The following IKZF3 variants were observed in gnomAD, a reference collection of about 807,000 sequenced individuals.
IKZF3 encodes the protein zinc finger protein Aiolos.
Under a neutral mutation model 49.0 loss-of-function variants are expected in IKZF3, and 10 were observed. The observed-to-expected ratio is 0.20, with a 90% CI of 0.13 to 0.35. IKZF3 has a LOEUF of 0.35. IKZF3 is among the 10% of genes least tolerant of loss of function. IKZF3 has a pLI of 1.00. For synonymous variants in IKZF3, 209 were observed against 228.2 expected (o/e 0.92, Z 0.76); for missense variants, 498 against 664.8 (o/e 0.75, Z 2.76).
At chr17:39,851,781 C>A (rs774476453) in intron 1 of IKZF3, among the ~76,000 whole-genome samples, 2 of 152,110 alleles carry the variant, frequency 1.3e-5, no homozygotes, top group Non-Finnish European at 2.9e-5. Flanking sequence ...GATATGTGCA[C>A]TTTAATTATA....
At chr17:39,788,454 T>TTCACTAGAAATGAGACTGCTGA in intron 5 of IKZF3, 80 bp from the exon 6 acceptor site, 1 of 823,306 alleles carries the variant, frequency 1.2e-6, no homozygotes, top group Non-Finnish European at 2.1e-6. Context: ...GTGACAACTG[T>TTCACTAGAAATGAGACTGCTGA]TCACTAGAAA....
At position 39,766,191 on chromosome 17, in the gene IKZF3, G is replaced by A. The variant is rs951177670; in HGVS notation, c.1129C>T (p.Leu377Phe). 8 of 1,613,946 alleles carry A rather than the reference G, an allele frequency of 5.0e-6. No individual in the cohort carries two copies. The highest frequency in any genetic ancestry group is 6.8e-6 in the Non-Finnish European group (8 of 1,180,026). ...PEKSVPSERG[L>F]SPNNSGHDST... Reference sequence around the variant, plus strand: ...TCGTGGCCACTATTGTTGGGAGAGAGGCCTCTCTCAGAAGGCACGCTCTTC... The same window carrying A: ...TCGTGGCCACTATTGTTGGGAGAGAAGCCTCTCTCAGAAGGCACGCTCTTC... The change falls in exon 8 of 8, where the codon CTC (leucine) becomes TTC (phenylalanine). Residue 377 changes from leucine to phenylalanine, a missense_variant. This residue lies in a region of IKZF3 where 317 missense variants were observed against 397.3 expected (regional missense o/e 0.80). Coordinates refer to ENST00000346872, the MANE Select transcript of IKZF3 (RefSeq NM_012481.5).
intron 1 of IKZF3, among the ~76,000 whole-genome samples, chr17:39,839,918 C>G (rs2062416403): frequency 6.6e-6 from 1 of 152,178 alleles, no homozygotes; most frequent in African/African-American, 2.4e-5. Flanking sequence ...GCCTTGGCCT[C>G]CCAAAGTGCT....
chr17:39,853,486 G>A (rs995568978), intron 1 of IKZF3, among the ~76,000 whole-genome samples: 2 of 152,056 alleles, frequency 1.3e-5, no homozygotes, highest in Non-Finnish European at 2.9e-5. Flanking sequence ...GTGATGATAG[G>A]TTTTGCTGAT....
At chr17:39,783,616 G>A (rs556213107) in intron 6 of IKZF3, among the ~76,000 whole-genome samples, 67 of 152,308 alleles carry the variant, frequency 4.4e-4, no homozygotes, top group Admixed American at 1.9e-3. Flanking sequence ...CACCGCGCCC[G>A]GCCAGTATTG....
intron 1 of IKZF3, among the ~76,000 whole-genome samples, chr17:39,843,212 T>C (rs1182003776): frequency 6.6e-6 from 1 of 152,154 alleles, no homozygotes; most frequent in Non-Finnish European, 1.5e-5. Context: ...GATTGAATGG[T>C]AGTAATGTTG....
intron 7 of IKZF3, among the ~76,000 whole-genome samples, chr17:39,771,497 T>G (rs190353298): frequency 1.3e-5 from 2 of 152,182 alleles, no homozygotes; most frequent in African/African-American, 4.8e-5. Context: ...GAACAAAACA[T>G]AGAGTAGCCA....
intron 3 of IKZF3, among the ~76,000 whole-genome samples, chr17:39,823,531 A>C (rs947343836): frequency 6.6e-6 from 1 of 152,222 alleles, no homozygotes; most frequent in Non-Finnish European, 1.5e-5. Context: ...GCTCCAAGGC[A>C]TATCAGAGAC....
At chr17:39,861,815 T>C (rs1436615015) in intron 1 of IKZF3, among the ~76,000 whole-genome samples, 1 of 152,204 alleles carries the variant, frequency 6.6e-6, no homozygotes, top group East Asian at 1.9e-4. Context: ...GAATAATATA[T>C]GATCTGATGG....
At chr17:39,839,703 T>C (rs1256348705) in intron 1 of IKZF3, among the ~76,000 whole-genome samples, 2 of 151,916 alleles carry the variant, frequency 1.3e-5, no homozygotes, top group Non-Finnish European at 2.9e-5. Flanking sequence ...GCCTCCTGAG[T>C]AGCCGGGACT....
chr17:39,858,370 A>G (rs1307114606), intron 1 of IKZF3, among the ~76,000 whole-genome samples: 2 of 152,220 alleles, frequency 1.3e-5, no homozygotes, highest in Non-Finnish European at 2.9e-5. Flanking sequence ...TTCATCTCTA[A>G]GAACACTACT....
At chr17:39,831,043 T>C (rs2062093812) in intron 2 of IKZF3, among the ~76,000 whole-genome samples, 1 of 152,064 alleles carries the variant, frequency 6.6e-6, no homozygotes, top group Non-Finnish European at 1.5e-5. Flanking sequence ...ATGACTAAAA[T>C]ATAGTGGACA....
At chr17:39,831,775 C>T (rs759098729) in intron 2 of IKZF3, among the ~76,000 whole-genome samples, 18 of 152,262 alleles carry the variant, frequency 1.2e-4, no homozygotes, top group Admixed American at 9.2e-4. Context: ...CAGTAAAAAT[C>T]GCAAGTCATT....
At chr17:39,863,960 A>G (rs2063291538) in intron 1 of IKZF3, among the ~76,000 whole-genome samples, 160 bp downstream of exon 1, 1 of 152,248 alleles carries the variant, frequency 6.6e-6, no homozygotes, top group Admixed American at 6.5e-5. Flanking sequence ...AGAGACGTTA[A>G]GAGAACCGAC....
intron 3 of IKZF3, among the ~76,000 whole-genome samples, chr17:39,822,038 T>A (rs2061822158): frequency 6.6e-6 from 1 of 152,126 alleles, no homozygotes; most frequent in Non-Finnish European, 1.5e-5. Flanking sequence ...ACAGAGCAGG[T>A]CATTCCTAAG....
chr17:39,811,183 A>G (rs2061543391), intron 3 of IKZF3, among the ~76,000 whole-genome samples: 1 of 149,742 alleles, frequency 6.7e-6, no homozygotes, highest in Admixed American at 6.6e-5. Context: ...GCTACAGTGA[A>G]CTGTGATTAC....
At chr17:39,841,680 T>C (rs1291960421) in intron 1 of IKZF3, among the ~76,000 whole-genome samples, 2 of 152,020 alleles carry the variant, frequency 1.3e-5, no homozygotes, top group African/African-American at 4.8e-5. Context: ...AGAAGGGAGT[T>C]ACAAATATGG....
At chr17:39,824,923 C>T (rs1433688314) in intron 3 of IKZF3, among the ~76,000 whole-genome samples, 2 of 152,100 alleles carry the variant, frequency 1.3e-5, no homozygotes, top group Non-Finnish European at 1.5e-5. Flanking sequence ...TCTCGATCTC[C>T]TGACCTCGTG....
rs2060107008 is a variant in IKZF3, at chr17:39,758,193, T to C, written c.*7597A>G. 1 of 152,212 alleles carries C rather than the reference T, an allele frequency of 6.6e-6. No homozygotes were observed. Among genetic ancestry groups the C allele is most frequent in the Non-Finnish European group, 1.5e-5 (1 of 68,030 alleles). 9.4% of individuals were successfully genotyped at this position (152,212 alleles called of 1,614,324 possible). On this transcript the variant is annotated 3_prime_UTR_variant, in exon 8 of 8. Coordinates refer to ENST00000346872, the MANE Select transcript of IKZF3 (RefSeq NM_012481.5). ...GCTATGGTTTTTCCAGTAGCCAAAA[T>C]GATCCTGCACCAAAGCTCATAGACT...
Sources: allele counts gnomAD v4.1 joint callset (sites outside exome capture counted in the v4.1 genomes callset), GRCh38; gene constraint gnomAD v4.1.1; regional missense constraint gnomAD v4.1.1; transcripts MANE v1.5; gene names NCBI Gene and HGNC (gene_info 2026-07-23, HGNC 2026-07-21).